The following PAX8 variants were observed in gnomAD, a reference collection of about 807,000 sequenced individuals.
PAX8 encodes the protein paired box 8.
Under a neutral mutation model 52.4 loss-of-function variants are expected in PAX8, and 15 were observed. The observed-to-expected ratio is 0.29, with a 90% CI of 0.19 to 0.44. The LOEUF (loss-of-function observed/expected upper bound fraction) is 0.44. Ranked by LOEUF, PAX8 falls within the 20% of genes least tolerant of loss-of-function variation. PAX8 has a pLI of 1.00. For missense variants in PAX8, 554 were observed against 602.5 expected (o/e 0.92, Z 0.84); for synonymous variants, 284 against 249.7 (o/e 1.14, Z -1.29).
intron 4 of PAX8, 22 bp from the exon 5 acceptor site, chr2:113,242,800 C>T (rs768060202): frequency 1.9e-6 from 3 of 1,589,198 alleles, no homozygotes; most frequent in South Asian, 1.1e-5. Flanking sequence ...AGAAGAAAGG[C>T]CATGAGAGAG....
intron 9 of PAX8, among the ~76,000 whole-genome samples, chr2:113,234,855 T>A (rs1307486036): frequency 6.6e-6 from 1 of 152,132 alleles, no homozygotes; most frequent in East Asian, 1.9e-4. Flanking sequence ...GCAGTTGAGG[T>A]TCCTGATGGG....
intron 9 of PAX8, among the ~76,000 whole-genome samples, chr2:113,231,037 T>G (rs975968898): frequency 6.6e-6 from 1 of 152,232 alleles, no homozygotes; most frequent in Non-Finnish European, 1.5e-5. Context: ...GCCAGAATCA[T>G]AAAGCTATTG....
At chr2:113,235,755 G>T (rs1690238389) in intron 8 of PAX8, 173 bp from the exon 9 acceptor site, 2 of 591,180 alleles carry the variant, frequency 3.4e-6, no homozygotes. Flanking sequence ...GCAAGGCGGG[G>T]AGAGAGAAGC....
intron 2 of PAX8, among the ~76,000 whole-genome samples, chr2:113,262,274 C>T (rs1039749312): frequency 1.3e-5 from 2 of 152,136 alleles, no homozygotes; most frequent in African/African-American, 4.8e-5. Flanking sequence ...CCTCAGCCTC[C>T]CAAAGTGCTG....
chr2:113,235,396 G>C lies in PAX8; in HGVS notation c.1085C>G (p.Ser362Ter). The C allele has an allele frequency of 6.3e-7, 1 of 1,576,372 alleles. No homozygotes were observed. The highest frequency in any genetic ancestry group is 8.6e-7 in the Non-Finnish European group (1 of 1,160,984). Residue 362 changes from serine (S) to a stop codon, truncating the protein, a stop_gained and splice_region_variant, in exon 9 of 12, where the codon TCA becomes TGA. Coordinates refer to ENST00000429538, the MANE Select transcript of PAX8 (RefSeq NM_003466.4). LOFTEE classifies it high-confidence loss of function. ...YGQFTGQALL[S>*]GREMVGPTLP... is the part of the protein sequence containing the mutation. ...GCCCCGGGACCTCCCTGTCGTACCT[G>C]AGAGGAGGGCCTGGCCCGTGAACTG...
At chr2:113,229,108 A>C (rs1235159061) in intron 9 of PAX8, among the ~76,000 whole-genome samples, 1 of 152,204 alleles carries the variant, frequency 6.6e-6, no homozygotes, top group Non-Finnish European at 1.5e-5. Context: ...GCCAAGCCCA[A>C]GGGGTCAATG....
intron 5 of PAX8, 82 bp from the exon 6 acceptor site, chr2:113,242,212 G>T: frequency 7.8e-7 from 1 of 1,280,076 alleles, no homozygotes; most frequent in Non-Finnish European, 1.1e-6. Context: ...AGTTACAGTT[G>T]AGCTGGGGAC....
At chr2:113,254,163 C>T (rs769724271) in intron 2 of PAX8, among the ~76,000 whole-genome samples, 39 of 152,328 alleles carry the variant, frequency 2.6e-4, no homozygotes, top group Non-Finnish European at 4.9e-4. Flanking sequence ...CTGTCCCCAG[C>T]ATTCAAATAT....
At chr2:113,243,351 C>G (rs574857900) in intron 4 of PAX8, among the ~76,000 whole-genome samples, 66 of 152,260 alleles carry the variant, frequency 4.3e-4, no homozygotes, top group African/African-American at 1.6e-3. Flanking sequence ...TTCAGCCTAC[C>G]TTGTGCTCCC....
chr2:113,271,712 A>G (rs1440413968), intron 2 of PAX8: 1 of 146,262 alleles, frequency 6.8e-6, no homozygotes, highest in Non-Finnish European at 1.5e-5. Context: ...ATCATCTAGT[A>G]GCCGAGTTCT....
chr2:113,276,472 G>A (rs1693820816), intron 2 of PAX8: 1 of 152,144 alleles, frequency 6.6e-6, no homozygotes, highest in South Asian at 2.1e-4. Flanking sequence ...TAGGTCCAGG[G>A]GCAGAGGGCT....
At chr2:113,248,017 C>G (rs1691464639) in intron 2 of PAX8, among the ~76,000 whole-genome samples, 2 of 152,272 alleles carry the variant, frequency 1.3e-5, no homozygotes, top group South Asian at 2.1e-4. Flanking sequence ...TAAACAGGTA[C>G]TAGCCAAGTG....
intron 2 of PAX8, among the ~76,000 whole-genome samples, chr2:113,255,846 A>T (rs958926316): frequency 6.6e-6 from 1 of 152,212 alleles, no homozygotes; most frequent in Non-Finnish European, 1.5e-5. Flanking sequence ...CACGAGAGAC[A>T]GCTCAAGCTA....
chr2:113,216,156 G>T lies in PAX8; in HGVS notation c.*2377C>A, dbSNP rs533796590. 19 of 229,796 alleles carry T rather than the reference G, an allele frequency of 8.3e-5. 1 individual carries two copies. Among genetic ancestry groups the T allele is most frequent in the Admixed American group, 6.8e-4 (12 of 17,654 alleles). The allele number at this position is 229,796 out of a possible 1,614,324, so 14.2% of individuals were successfully genotyped here. On this transcript the variant is annotated 3_prime_UTR_variant, in exon 12 of 12. Coordinates refer to ENST00000429538, the MANE Select transcript of PAX8 (RefSeq NM_003466.4). Reference sequence around the variant, plus strand: ...TGTGCTCAAAGTGATTCTTGGGTAGGGAGCCCTCGGGATCCCAGAGGTTTG... The same window carrying T: ...TGTGCTCAAAGTGATTCTTGGGTAGTGAGCCCTCGGGATCCCAGAGGTTTG...
rs551513506 is a variant in PAX8 at position 113,223,646 on chromosome 2, G to A, written c.1190-3468C>T. Among the ~76,000 whole-genome samples, 59 of 152,272 alleles carry A rather than the reference G, an allele frequency of 3.9e-4. 1 individual carries two copies. The highest frequency in any genetic ancestry group is 1.3e-3 in the African/African-American group (56 of 41,554). On this transcript the variant is annotated intron_variant, in intron 10 of 11. Transcript: ENST00000429538. ...TCACTTTGAACACCTTCTCAGAGAG[G>A]CCTCCCCTGACAGCCCAATCTAAAG...
rs1380223250 is a variant in PAX8, at chr2:113,235,731, G to A, written c.899-149C>T. ...AGAGTCTGGGCTGGGGAGAGCCGGG[G>A]CCCACGAGGCGTGGCAAGGCGGGGA... On this transcript the variant is annotated intron_variant, in intron 8 of 11. Transcript: ENST00000429538. 11 of 618,820 alleles carry A rather than the reference G, an allele frequency of 1.8e-5. No individual in the cohort carries two copies. The Admixed American group carries it at 2.4e-4, about 14-fold the overall frequency. 38.3% of individuals were successfully genotyped at this position (618,820 alleles called of 1,614,324 possible). A position where few individuals can be genotyped will look rare whatever the true frequency, so the allele number is the denominator to read the frequency against.
Position 113,235,437 on chromosome 2 carries a change from A to G in PAX8, c.1044T>C (p.Ala348=). ...CCGTGAACTGCCCGTACACGGAGGC[A>G]GCATGGGGAAAGGCATTGAAGGGCG... ...GVPPFNAFPH[A]ASVYGQFTGQ... The change falls in exon 9 of 12, where the codon GCT becomes GCC. Residue 348 remains alanine (A), a synonymous_variant. Transcript: ENST00000429538. 6.2e-7 allele frequency: 1 copy of G among 1,607,352 alleles called. No individual in the cohort carries two copies. Among genetic ancestry groups the G allele is most frequent in the Non-Finnish European group, 8.5e-7 (1 of 1,176,890 alleles).
At chr2:113,248,803 A>G (rs1691529132) in intron 2 of PAX8, among the ~76,000 whole-genome samples, 1 of 151,706 alleles carries the variant, frequency 6.6e-6, no homozygotes, top group African/African-American at 2.4e-5. Context: ...TACTAAAAGT[A>G]CAAAAAAAAA....
At chr2:113,267,520 C>G (rs1017108883) in intron 2 of PAX8, 4 of 152,372 alleles carry the variant, frequency 2.6e-5, no homozygotes, top group African/African-American at 9.6e-5. Flanking sequence ...CTACTCAGAC[C>G]TTAAACCACA....
Sources: gnomAD v4.1 joint callset for allele counts (sites outside exome capture counted in the v4.1 genomes callset) on GRCh38, gnomAD v4.1.1 for gene constraint, MANE v1.5 for transcripts, NCBI Gene and HGNC (gene_info 2026-07-23, HGNC 2026-07-21) for gene names.